SLC2A13: variants seen among roughly 807,000 people sequenced by gnomAD.
SLC2A13 encodes proton myo-inositol cotransporter.
SLC2A13 carries 32 observed loss-of-function variants against 64.4 expected under a neutral mutation model. The observed-to-expected ratio is 0.50, with a 90% CI of 0.37 to 0.67. SLC2A13 has a LOEUF of 0.67. Among genes scored for constraint, SLC2A13 ranks in the 30% least tolerant of loss-of-function variants. SLC2A13 has a pLI of 0.00. For synonymous variants in SLC2A13, 338 were observed against 327.1 expected (o/e 1.03, Z -0.36); for missense variants, 743 against 829.2 (o/e 0.90, Z 1.28).
Position 39,756,750 on chromosome 12 carries a change from C to G in SLC2A13, c.*3276G>C, listed in dbSNP as rs1482577460. 2.0e-5 allele frequency: 3 copies of G among 151,662 alleles called. No individual in the cohort carries two copies. The highest frequency in any genetic ancestry group is 7.2e-5 in the African/African-American group (3 of 41,402). 9.4% of individuals were successfully genotyped at this position (151,662 alleles called of 1,614,324 possible). Reference sequence around the variant, plus strand: ...TCATTCTTCCCCTGTATAACAGATACTGAAATTACAGCAAAAATTTCATAA... The same window carrying G: ...TCATTCTTCCCCTGTATAACAGATAGTGAAATTACAGCAAAAATTTCATAA... On this transcript the variant is annotated 3_prime_UTR_variant, in exon 10 of 10. Transcript: ENST00000280871.
chr12:39,809,098 T>C (rs935078583), intron 7 of SLC2A13, among the ~76,000 whole-genome samples: 1 of 152,160 alleles, frequency 6.6e-6, no homozygotes, highest in Non-Finnish European at 1.5e-5. Flanking sequence ...GGTGTAAGAG[T>C]TGAGGTCCAT....
intron 7 of SLC2A13, among the ~76,000 whole-genome samples, chr12:39,804,640 T>G (rs1202387941): frequency 6.6e-6 from 1 of 152,138 alleles, no homozygotes; most frequent in East Asian, 1.9e-4. Flanking sequence ...GCTAAGTGAC[T>G]TCTAGGCTCC....
Position 39,984,320 on chromosome 12 carries a change from A to G in SLC2A13, c.926-32955T>C, listed in dbSNP as rs376923999. 3.4e-5 allele frequency among the ~76,000 whole-genome samples: 5 copies of G among 147,568 alleles called. No individual in the cohort carries two copies. The South Asian group carries it at 6.2e-4, about 18-fold the overall frequency. On this transcript the variant is annotated intron_variant, in intron 3 of 9. Transcript: ENST00000280871. ...AATGTGCACATGTACCCTAAAACTT[A>G]AAGTATAATAAAAAAAAAAGTGCTT...
intron 7 of SLC2A13, among the ~76,000 whole-genome samples, chr12:39,820,153 G>A (rs1298745479): frequency 6.6e-6 from 1 of 151,978 alleles, no homozygotes; most frequent in Non-Finnish European, 1.5e-5. Flanking sequence ...ATTTTTGGAG[G>A]GTTCCAGGAA....
chr12:39,958,765 G>T (rs1946360693), intron 3 of SLC2A13, among the ~76,000 whole-genome samples: 1 of 152,046 alleles, frequency 6.6e-6, no homozygotes, highest in Admixed American at 6.5e-5. Flanking sequence ...GTCCCATATT[G>T]TTACAATTTT....
chr12:39,838,137 T>C (rs1450099896), intron 6 of SLC2A13, among the ~76,000 whole-genome samples: 1 of 147,266 alleles, frequency 6.8e-6, no homozygotes. Context: ...GTGGCACATA[T>C]ACACCATGGA....
intron 4 of SLC2A13, among the ~76,000 whole-genome samples, chr12:39,900,811 C>T (rs1050413803): frequency 1.3e-5 from 2 of 152,206 alleles, no homozygotes; most frequent in African/African-American, 4.8e-5. Flanking sequence ...CTACCAATGA[C>T]TTTCTTCACA....
intron 2 of SLC2A13, among the ~76,000 whole-genome samples, chr12:40,036,320 T>C (rs1947983299): frequency 6.6e-6 from 1 of 152,168 alleles, no homozygotes; most frequent in Non-Finnish European, 1.5e-5. Context: ...ATTAATTTAT[T>C]TTTAGGTAAA....
At chr12:39,769,296 G>A (rs191234066) in intron 7 of SLC2A13, among the ~76,000 whole-genome samples, 68 of 151,914 alleles carry the variant, frequency 4.5e-4, no homozygotes, top group Non-Finnish European at 8.8e-4. Context: ...CCTATGTGAC[G>A]AACTTACCTC....
At chr12:39,914,564 C>G (rs904940611) in intron 4 of SLC2A13, among the ~76,000 whole-genome samples, 1 of 151,898 alleles carries the variant, frequency 6.6e-6, no homozygotes. Context: ...AATAAAGCTA[C>G]AAGTTATAAT....
chr12:40,057,573 C>T (rs540348100), intron 1 of SLC2A13, among the ~76,000 whole-genome samples: 1 of 152,208 alleles, frequency 6.6e-6, no homozygotes, highest in South Asian at 2.1e-4. Context: ...GGGTACACTG[C>T]TGAGCGTTTC....
In SLC2A13 at chr12:39,895,796, GTATA is replaced by G. The variant is rs1944781796; in HGVS notation, c.1035-23839_1035-23836del. On this transcript the variant is annotated intron_variant, in intron 4 of 9. Transcript: ENST00000280871. The stretch of plus-strand genomic sequence containing the variant: ...TATATGCGTGTATACGTACACACAT[GTATA>G]TGCGTGTATACGTACACACATGTAT... Among the ~76,000 whole-genome samples, 2 of 63,534 alleles carry G rather than the reference GTATA, an allele frequency of 3.1e-5. 1 individual carries two copies. Among genetic ancestry groups the G allele is most frequent in the Non-Finnish European group, 6.4e-5 (2 of 31,130 alleles). The allele number at this position is 63,534 out of a possible 152,430, so 41.7% of individuals were successfully genotyped here.
intron 4 of SLC2A13, among the ~76,000 whole-genome samples, chr12:39,898,836 G>C (rs1944999490): frequency 1.3e-5 from 2 of 152,074 alleles, no homozygotes; most frequent in Non-Finnish European, 2.9e-5. Context: ...CACACATTTT[G>C]GATGTTTAAA....
chr12:40,021,046 T>C (rs1449873568), intron 3 of SLC2A13, among the ~76,000 whole-genome samples: 1 of 152,158 alleles, frequency 6.6e-6, no homozygotes, highest in Non-Finnish European at 1.5e-5. Flanking sequence ...TGGATCTTCT[T>C]TTATGAGATA....
intron 4 of SLC2A13, among the ~76,000 whole-genome samples, chr12:39,884,056 AT>A (rs1944410384): frequency 6.6e-6 from 1 of 152,208 alleles, no homozygotes; most frequent in South Asian, 2.1e-4. Context: ...AAGTGTTAAC[AT>A]TTTGTAGATT....
intron 4 of SLC2A13, among the ~76,000 whole-genome samples, chr12:39,947,219 C>G (rs114132692): frequency 3.0e-4 from 46 of 152,258 alleles, no homozygotes; most frequent in African/African-American, 1.1e-3. Context: ...AGAGAAGATT[C>G]CCCCACAGTT....
At chr12:39,928,037 C>A (rs1313732435) in intron 4 of SLC2A13, among the ~76,000 whole-genome samples, 1 of 152,134 alleles carries the variant, frequency 6.6e-6, no homozygotes, top group Non-Finnish European at 1.5e-5. Context: ...AATTACATTT[C>A]CGATATTAAA....
chr12:40,055,618 A>C (rs1228724103), intron 1 of SLC2A13, among the ~76,000 whole-genome samples: 2 of 152,238 alleles, frequency 1.3e-5, no homozygotes, highest in Non-Finnish European at 2.9e-5. Flanking sequence ...GAATGCATAC[A>C]CAAAACTATA....
At chr12:39,804,383 A>T (rs1941900601) in intron 7 of SLC2A13, among the ~76,000 whole-genome samples, 1 of 152,200 alleles carries the variant, frequency 6.6e-6, no homozygotes, top group Non-Finnish European at 1.5e-5. Context: ...AGCAACACTG[A>T]TTAATTTCAA....
Sources: allele counts gnomAD v4.1 joint callset (sites outside exome capture counted in the v4.1 genomes callset), GRCh38; gene constraint gnomAD v4.1.1; transcripts MANE v1.5; gene names NCBI Gene and HGNC (gene_info 2026-07-23, HGNC 2026-07-21).